Variants in NRG3 observed in about 807,000 individuals in gnomAD.
NRG3 encodes the protein pro-neuregulin-3, membrane-bound isoform.
Under a neutral mutation model 66.9 loss-of-function variants are expected in NRG3, and 31 were observed. The ratio of observed to expected loss-of-function variants is 0.46; its 90% CI spans 0.35 to 0.63. The LOEUF (loss-of-function observed/expected upper bound fraction) is 0.63, where lower values mean the gene tolerates loss of function less well. Ranked by LOEUF, NRG3 falls within the 20% of genes least tolerant of loss-of-function variation. The pLI, the probability that NRG3 is intolerant of heterozygous loss-of-function variation, is 0.00. For missense variants in NRG3, 910 were observed against 878.9 expected (o/e 1.04, Z -0.45); for synonymous variants, 393 against 359.4 (o/e 1.09, Z -1.06).
chr10:82,353,503 A>G (rs1348750826), intron 1 of NRG3, among the ~76,000 whole-genome samples: 3 of 152,188 alleles, frequency 2.0e-5, no homozygotes, highest in African/African-American at 7.2e-5. Context: ...CTGATTACTT[A>G]CTATGTATGC....
chr10:82,666,991 T>G (rs1025478966), intron 2 of NRG3, among the ~76,000 whole-genome samples: 1 of 152,196 alleles, frequency 6.6e-6, no homozygotes, highest in Non-Finnish European at 1.5e-5. Context: ...AAACCTCATT[T>G]CCATCTTTGG....
chr10:82,291,172 ACG>A (rs1380164013), intron 1 of NRG3, among the ~76,000 whole-genome samples: 1 of 151,756 alleles, frequency 6.6e-6, no homozygotes, highest in Non-Finnish European at 1.5e-5. Context: ...ACACACACAC[ACG>A]CACGCACCAG....
At chr10:82,436,333 T>C (rs188447955) in intron 2 of NRG3, among the ~76,000 whole-genome samples, 1 of 152,198 alleles carries the variant, frequency 6.6e-6, no homozygotes, top group Admixed American at 6.5e-5. Flanking sequence ...CTGAAAGTGT[T>C]TTGTCAGAGG....
intron 1 of NRG3, among the ~76,000 whole-genome samples, chr10:82,074,047 G>A (rs2064954438): frequency 6.6e-6 from 1 of 151,774 alleles, no homozygotes; most frequent in Non-Finnish European, 1.5e-5. Context: ...AGATACAGCA[G>A]CATAGCATCA....
chr10:82,080,958 A>G (rs536979240), intron 1 of NRG3, among the ~76,000 whole-genome samples: 2 of 152,218 alleles, frequency 1.3e-5, no homozygotes, highest in Admixed American at 1.3e-4. Flanking sequence ...TTCTGTCTCT[A>G]TGAATTAGGA....
intron 6 of NRG3, among the ~76,000 whole-genome samples, chr10:82,960,005 C>T (rs1174671957): frequency 6.6e-6 from 1 of 152,180 alleles, no homozygotes; most frequent in Non-Finnish European, 1.5e-5. Context: ...ATTGCATAAA[C>T]CTAGCATTTG....
chr10:82,207,488 A>C (rs1324713527), intron 1 of NRG3, among the ~76,000 whole-genome samples: 1 of 152,160 alleles, frequency 6.6e-6, no homozygotes, highest in African/African-American at 2.4e-5. Flanking sequence ...ACACATGTAA[A>C]GTGTTTATAA....
chr10:82,643,258 G>A (rs182982135), intron 2 of NRG3, among the ~76,000 whole-genome samples: 11 of 152,104 alleles, frequency 7.2e-5, no homozygotes, highest in Admixed American at 4.6e-4. Context: ...GTGGTTTCCT[G>A]TGCTGTTATT....
At chr10:82,014,442 A>G (rs568356264) in intron 1 of NRG3, among the ~76,000 whole-genome samples, 1 of 152,302 alleles carries the variant, frequency 6.6e-6, no homozygotes, top group East Asian at 1.9e-4. Flanking sequence ...AGTGGTTGTA[A>G]GTGCCTCGGC....
At chr10:82,229,155 T>G (rs889086025) in intron 1 of NRG3, 7 of 152,172 alleles carry the variant, frequency 4.6e-5, no homozygotes, top group African/African-American at 1.7e-4. Flanking sequence ...AAAGGTAAAT[T>G]ACCAGCATAT....
chr10:81,941,922 A>G (rs1848437728), intron 1 of NRG3, among the ~76,000 whole-genome samples: 1 of 152,142 alleles, frequency 6.6e-6, no homozygotes, highest in African/African-American at 2.4e-5. Flanking sequence ...CTGAGGCAAA[A>G]GAAACAAACC....
intron 2 of NRG3, among the ~76,000 whole-genome samples, chr10:82,443,421 A>T (rs948293191): frequency 6.6e-6 from 1 of 152,244 alleles, no homozygotes; most frequent in African/African-American, 2.4e-5. Flanking sequence ...GGCGCTAGAC[A>T]TGTGGACAAT....
chr10:82,531,743 T>C lies in NRG3; in HGVS notation c.953+172875T>C, dbSNP rs532073500. On this transcript the variant is annotated intron_variant, in intron 2 of 8. Coordinates refer to ENST00000372141, the MANE Select transcript of NRG3 (RefSeq NM_001010848.4). ...TAATAGGATTTTTTAAAATAACGTA[T>C]TTTCACCTTCACCTAATCTTAGTCA... 3.3e-5 allele frequency among the ~76,000 whole-genome samples: 5 copies of C among 151,974 alleles called. No individual in the cohort carries two copies. The East Asian group carries it at 7.7e-4, about 24-fold the overall frequency.
At chr10:82,784,845 C>T (rs2060277120) in intron 3 of NRG3, among the ~76,000 whole-genome samples, 1 of 152,020 alleles carries the variant, frequency 6.6e-6, no homozygotes, top group African/African-American at 2.4e-5. Context: ...CCCAGCCATC[C>T]CATTACTGGG....
chr10:81,875,271 GCCCGGCCCGCGC>G lies in NRG3; in HGVS notation c.-69_-58del. 1 of 963,054 alleles carries G rather than the reference GCCCGGCCCGCGC, an allele frequency of 1.0e-6. No homozygotes were observed. The highest frequency in any genetic ancestry group is 1.2e-6 in the Non-Finnish European group (1 of 812,948). The allele number at this position is 963,054 out of a possible 1,614,324, so 59.7% of individuals were successfully genotyped here. A position where few individuals can be genotyped will look rare whatever the true frequency, so the allele number is the denominator to read the frequency against. Reference sequence around the variant, plus strand: ...CGCCGGAGCCCGCGCCCGCGCCCGCGCCCGGCCCGCGCGGCCCCATGCCTCTGCCGCGGCCCT... The same window carrying G: ...CGCCGGAGCCCGCGCCCGCGCCCGCGGGCCCCATGCCTCTGCCGCGGCCCT... On this transcript the variant is annotated 5_prime_UTR_variant, in exon 1 of 9. Coordinates refer to ENST00000372141, the MANE Select transcript of NRG3 (RefSeq NM_001010848.4). The surrounding 1 kb of genome is among the most constrained non-coding windows in gnomAD (Gnocchi z 5.3).
chr10:82,363,155 A>C (rs1187362158), intron 2 of NRG3, among the ~76,000 whole-genome samples: 1 of 152,134 alleles, frequency 6.6e-6, no homozygotes, highest in Admixed American at 6.5e-5. Flanking sequence ...TCAAAGGGTA[A>C]CATTAAAATA....
At chr10:82,445,773 A>G (rs1001094079) in intron 2 of NRG3, among the ~76,000 whole-genome samples, 3 of 152,026 alleles carry the variant, frequency 2.0e-5, no homozygotes, top group African/African-American at 7.2e-5. Context: ...TGTTTCACTG[A>G]TTTGGGTCTT....
At chr10:82,099,341 G>A (rs569122822) in intron 1 of NRG3, among the ~76,000 whole-genome samples, 13 of 152,148 alleles carry the variant, frequency 8.5e-5, no homozygotes, top group Admixed American at 4.6e-4. Flanking sequence ...TGAATTGCCT[G>A]TGTAGGAAAA....
chr10:82,479,844 T>TGCAGTCCCA (rs1183055832), intron 2 of NRG3, among the ~76,000 whole-genome samples: 2 of 150,778 alleles, frequency 1.3e-5, no homozygotes, highest in Non-Finnish European at 2.9e-5. Flanking sequence ...GGTGGGCGCC[T>TGCAGTCCCA]GCAGTCCCAG....
Sources: allele counts gnomAD v4.1 joint callset (sites outside exome capture counted in the v4.1 genomes callset), GRCh38; gene constraint gnomAD v4.1.1; non-coding constraint Gnocchi (gnomAD v3.1); transcripts MANE v1.5; gene names NCBI Gene and HGNC (gene_info 2026-07-23, HGNC 2026-07-21).